Variants in TUBB observed in about 807,000 individuals in gnomAD.
TUBB encodes tubulin beta class I, also known as tubulin beta chain.
TUBB carries 2 observed loss-of-function variants against 35.1 expected under a neutral mutation model. The observed-to-expected ratio is 0.06, with a 90% CI of 0.02 to 0.18. The LOEUF is 0.18. Ranked by LOEUF, TUBB falls within the 10% of genes least tolerant of loss-of-function variation. The pLI is 1.00. For missense variants in TUBB, 50 were observed against 599.4 expected (o/e 0.08, Z 9.57); for synonymous variants, 205 against 223.8 (o/e 0.92, Z 0.75).
chr6:30,721,487 C>G, intron 1 of TUBB: 1 of 938,748 alleles, frequency 1.1e-6, no homozygotes, highest in Non-Finnish European at 1.3e-6. Flanking sequence ...GGCAGGGGCG[C>G]GCTACCTTGG....
rs113155531 is a variant in TUBB, at chr6:30,720,412, C to T, written c.-95C>T. 1.2e-5 allele frequency: 16 copies of T among 1,285,100 alleles called. 2 individuals carry two copies. Among genetic ancestry groups the T allele is most frequent in the African/African-American group, 1.0e-4 (7 of 67,834 alleles). The allele number at this position is 1,285,100 out of a possible 1,614,324, so 79.6% of individuals were successfully genotyped here. Reference sequence around the variant, plus strand: ...GCTGCTCCAGCCTCTGGGGCGCATTCCAACCTTCCAGCCTGCGACCTGCGG... The same window carrying T: ...GCTGCTCCAGCCTCTGGGGCGCATTTCAACCTTCCAGCCTGCGACCTGCGG... On this transcript the variant is annotated 5_prime_UTR_variant, in exon 1 of 4. Coordinates refer to ENST00000327892, the MANE Select transcript of TUBB (RefSeq NM_178014.4).
At position 30,720,574 on chromosome 6, in the gene TUBB, T is replaced by G. The variant is rs1581657031; in HGVS notation, c.57+11T>G. On this transcript the variant is annotated intron_variant, in intron 1 of 3. Coordinates refer to ENST00000327892, the MANE Select transcript of TUBB (RefSeq NM_178014.4). ...CAGATCGGTGCCAAGGTAAGAATTT[T>G]ACACCTCTTTTATTTCTTTTTACAA... The G allele has an allele frequency of 6.2e-7, 1 of 1,607,582 alleles. No homozygotes were observed. The highest frequency in any genetic ancestry group is 8.5e-7 in the Non-Finnish European group (1 of 1,177,448).
In TUBB at chr6:30,723,869, C is replaced by T. The variant is rs1249086058; in HGVS notation, c.807C>T (p.Gly269=). The change falls in exon 4 of 4, where the codon GGC becomes GGT. Residue 269 remains glycine, a synonymous_variant. Transcript: ENST00000327892. ...PFPRLHFFMP[G]FAPLTSRGSQ... ...CACGTCTCCATTTCTTTATGCCTGG[C>T]TTTGCCCCTCTCACCAGCCGTGGAA... is the stretch of plus-strand genomic sequence containing the variant. 21 of 1,613,992 alleles carry T rather than the reference C, an allele frequency of 1.3e-5. No homozygotes were observed. Among genetic ancestry groups the T allele is most frequent in the Non-Finnish European group, 1.7e-5 (20 of 1,179,982 alleles).
chr6:30,724,597 A>C lies in TUBB; in HGVS notation c.*200A>C. 3.7e-6 allele frequency: 2 copies of C among 540,002 alleles called. No individual in the cohort carries two copies. The highest frequency in any genetic ancestry group is 3.4e-5 in the Admixed American group (1 of 29,088). The allele number at this position is 540,002 out of a possible 1,614,324, so 33.5% of individuals were successfully genotyped here. A position where few individuals can be genotyped will look rare whatever the true frequency, so the allele number is the denominator to read the frequency against. ...TGTTGAATGTCTCCTCTCTCTTTCC[A>C]CTCTGGGAAACCTAGGTTTCTGCCA... On this transcript the variant is annotated 3_prime_UTR_variant, in exon 4 of 4. Coordinates refer to ENST00000327892, the MANE Select transcript of TUBB (RefSeq NM_178014.4). This position sits in a 1 kb window ranked among gnomAD's most constrained non-coding sequence, Gnocchi z 4.4.
At chr6:30,721,786 T>C in intron 1 of TUBB, 10 of 984,934 alleles carry the variant, frequency 1.0e-5, no homozygotes, top group Non-Finnish European at 1.1e-5. Flanking sequence ...AAGCTGTGGC[T>C]TTCTCGGGGG....
chr6:30,723,650 T>C lies in TUBB; in HGVS notation c.588T>C (p.Thr196=), dbSNP rs1406182266. The C allele has an allele frequency of 6.2e-7, 1 of 1,614,102 alleles. No individual in the cohort carries two copies. Among genetic ancestry groups the C allele is most frequent in the Admixed American group, 1.7e-5 (1 of 60,004 alleles). Residue 196 remains threonine (T), a synonymous_variant, in exon 4 of 4, where the codon ACT becomes ACC. Transcript: ENST00000327892. The part of the protein sequence containing the change: ...TLSVHQLVEN[T]DETYCIDNEA... ...CCGTCCATCAGTTGGTAGAGAATAC[T>C]GATGAGACCTATTGCATTGACAACG...
chr6:30,721,566 T>C (rs1208020551), intron 1 of TUBB: 1 of 985,072 alleles, frequency 1.0e-6, no homozygotes, highest in Non-Finnish European at 1.2e-6. Flanking sequence ...TGTCGGCGGC[T>C]CGACCTGCGC....
rs746439917 is a variant in TUBB at position 30,724,364 on chromosome 6, G to A, written c.1302G>A (p.Glu434=). 10 of 1,612,426 alleles carry A rather than the reference G, an allele frequency of 6.2e-6. No homozygotes were observed. The highest frequency in any genetic ancestry group is 8.5e-6 in the Non-Finnish European group (10 of 1,179,780). Residue 434 remains glutamate, a synonymous_variant, in exon 4 of 4, where the codon GAG becomes GAA. Transcript: ENST00000327892. This position sits in a 1 kb window ranked among gnomAD's most constrained non-coding sequence, Gnocchi z 4.4. The part of the protein sequence containing the change: ...QYQDATAEEE[E]DFGEEAEEEA The stretch of plus-strand genomic sequence containing the variant: ...AGGATGCCACCGCAGAAGAGGAGGA[G>A]GATTTCGGTGAGGAGGCCGAAGAGG...
rs141142574 is a variant in TUBB at position 30,723,674 on chromosome 6, C to T, written c.612C>T (p.Asn204=). The change falls in exon 4 of 4, where the codon AAC becomes AAT. Residue 204 remains asparagine (N), a synonymous_variant. Coordinates refer to ENST00000327892, the MANE Select transcript of TUBB (RefSeq NM_178014.4). ...CTGATGAGACCTATTGCATTGACAA[C>T]GAGGCCCTCTATGATATCTGCTTCC... The part of the protein sequence containing the change: ...ENTDETYCID[N]EALYDICFRT... The T allele has an allele frequency of 6.9e-5, 112 of 1,614,078 alleles. No homozygotes were observed. The highest frequency in any genetic ancestry group is 3.3e-4 in the Middle Eastern group (2 of 6,084).
At chr6:30,720,749 C>T (rs1461825649) in intron 1 of TUBB, among the ~76,000 whole-genome samples, 186 bp downstream of exon 1, 1 of 152,216 alleles carries the variant, frequency 6.6e-6, no homozygotes, top group Non-Finnish European at 1.5e-5. Context: ...AATCATTTTT[C>T]TTGGCAGGCA....
At chr6:30,721,056 C>T (rs1197930536) in intron 1 of TUBB, among the ~76,000 whole-genome samples, 12 of 152,218 alleles carry the variant, frequency 7.9e-5, no homozygotes, top group Non-Finnish European at 1.8e-4. Context: ...CTGGGCGCTA[C>T]CTTTCACAAA....
In TUBB at chr6:30,721,970, A is replaced by G. The variant is rs369813241; in HGVS notation, c.58-567A>G. The G allele has an allele frequency of 1.0e-4, 87 of 865,360 alleles. 3 individuals are homozygous for G. In the East Asian group the frequency reaches 1.9e-3, roughly 19 times the overall value. 53.6% of individuals were successfully genotyped at this position (865,360 alleles called of 1,614,324 possible). On this transcript the variant is annotated intron_variant, in intron 1 of 3. Coordinates refer to ENST00000327892, the MANE Select transcript of TUBB (RefSeq NM_178014.4). ...GGGCAACAAAGCGAGACCCTCCCCC[A>G]TGCCACGTTTCTACAAAAAATAAAA...
chr6:30,722,703 A>C, intron 2 of TUBB, 58 bp downstream of exon 2: 1 of 1,437,126 alleles, frequency 7.0e-7, no homozygotes, highest in Non-Finnish European at 9.7e-7. Flanking sequence ...CTTATCTGGG[A>C]TCTCTTTCCA....
Position 30,722,971 on chromosome 6 carries a change from G to C in TUBB, c.220G>C (p.Asp74His). Residue 74 changes from aspartate to histidine, a missense_variant, in exon 3 of 4, where the codon GAC becomes CAC. By Grantham distance (81) the Asp-to-His change is moderately conservative. Coordinates refer to ENST00000327892, the MANE Select transcript of TUBB (RefSeq NM_178014.4). ...GGTGGATCTAGAACCTGGGACCATG[G>C]ACTCTGTTCGCTCAGGTCCTTTTGG... is the stretch of plus-strand genomic sequence containing the variant. ...ILVDLEPGTM[D>H]SVRSGPFGQI... is the part of the protein sequence containing the mutation. The C allele has an allele frequency of 6.2e-7, 1 of 1,612,920 alleles. No individual in the cohort carries two copies. Among genetic ancestry groups the C allele is most frequent in the Non-Finnish European group, 8.5e-7 (1 of 1,179,836 alleles).
intron 1 of TUBB, chr6:30,722,009 T>C (rs1348581379): frequency 3.3e-6 from 2 of 603,766 alleles, no homozygotes; most frequent in Non-Finnish European, 4.2e-6. Context: ...AAAAATTAGC[T>C]GGGCGTGGTG....
chr6:30,721,502 C>T (rs1273658763), intron 1 of TUBB: 2 of 970,860 alleles, frequency 2.1e-6, no homozygotes, highest in Non-Finnish European at 2.4e-6. Context: ...CCTTGGGCCC[C>T]GCCCCTCGCG....
intron 1 of TUBB, chr6:30,721,641 C>T: frequency 2.0e-6 from 2 of 985,404 alleles, no homozygotes; most frequent in South Asian, 4.7e-5. Context: ...TTTCCTCAGA[C>T]CCCCAGCCTT....
At chr6:30,720,635 GGGGC>G (rs1184697755) in intron 1 of TUBB, 72 bp downstream of exon 1, 15 of 1,401,258 alleles carry the variant, frequency 1.1e-5, no homozygotes, top group Non-Finnish European at 2.0e-6. Context: ...AAATGGTTGT[GGGGC>G]ATTTGCACCC....
chr6:30,721,584 G>A, intron 1 of TUBB: 13 of 985,392 alleles, frequency 1.3e-5, no homozygotes, highest in Non-Finnish European at 1.6e-5. Context: ...CGCGTGCGCC[G>A]CAGTCACGTG....
Sources: gnomAD v4.1 joint callset for allele counts (sites outside exome capture counted in the v4.1 genomes callset) on GRCh38, gnomAD v4.1.1 for gene constraint, Gnocchi (gnomAD v3.1) non-coding constraint, MANE v1.5 for transcripts, NCBI Gene and HGNC (gene_info 2026-07-23, HGNC 2026-07-21) for gene names.